Variants in DDX24 observed in about 807,000 individuals in gnomAD.
DDX24 encodes DEAD-box helicase 24, also known as ATP-dependent RNA helicase DDX24.
In DDX24, 24 loss-of-function variants were observed where a neutral mutation model predicts 68.9. The observed-to-expected ratio is 0.35, with a 90% CI of 0.25 to 0.49. The LOEUF (loss-of-function observed/expected upper bound fraction) is 0.49. DDX24 is among the 20% of genes least tolerant of loss of function. The pLI is 0.99. For missense variants in DDX24, 989 were observed against 1,039.0 expected (o/e 0.95, Z 0.66); for synonymous variants, 395 against 385.2 (o/e 1.03, Z -0.30).
chr14:94,060,027 C>G, intron 5 of DDX24, 71 bp downstream of exon 5: 1 of 1,502,180 alleles, frequency 6.7e-7, no homozygotes, highest in Admixed American at 2.2e-5. Context: ...CTACCATTTC[C>G]CCACCATCCT....
chr14:94,059,828 G>C (rs1490977001), intron 5 of DDX24, among the ~76,000 whole-genome samples: 2 of 151,994 alleles, frequency 1.3e-5, no homozygotes. Context: ...GCCAGCACAG[G>C]ACCTAATCTA....
At chr14:94,057,798 C>T in intron 6 of DDX24, 24 bp downstream of exon 6, 3 of 1,611,510 alleles carry the variant, frequency 1.9e-6, no homozygotes, top group Non-Finnish European at 2.5e-6. Context: ...AGGCAGATGC[C>T]TATAAATTTT....
Position 94,079,511 on chromosome 14 carries a change from C to T in DDX24, c.232G>A (p.Ala78Thr). 1.2e-6 allele frequency: 2 copies of T among 1,614,122 alleles called. No homozygotes were observed. The highest frequency in any genetic ancestry group is 1.7e-6 in the Non-Finnish European group (2 of 1,180,038). ...TCCTCTTCTTCTGAAACAGCTTGTG[C>T]CTTTCTCTTGGGTGCTTCCTTTGAG... ...LFSKEAPKRK[A>T]QAVSEEEEEE... Residue 78 changes from alanine to threonine, a missense_variant, in exon 2 of 9, where the codon GCA becomes ACA. Ala to Thr is a moderately conservative substitution (Grantham distance 58, BLOSUM62 0). Transcript: ENST00000621632.
rs149296999 is a variant in DDX24 at position 94,062,529 on chromosome 14, C to T, written c.811G>A (p.Glu271Lys). 1.1e-3 allele frequency: 1,759 copies of T among 1,614,128 alleles called. 16 individuals carry two copies. In the South Asian group the frequency reaches 0.012, roughly 11 times the overall value. Reference sequence around the variant, plus strand: ...GTTCTGGTCTCTCCAGGTGGTGCTTCGGTGTTACTTGGAGGAGGGGCAGCA... The same window carrying T: ...GTTCTGGTCTCTCCAGGTGGTGCTTTGGTGTTACTTGGAGGAGGGGCAGCA... ...RNAAPPPSNT[E>K]APPGETRTEA... Residue 271 changes from glutamate to lysine, a missense_variant, in exon 3 of 9, where the codon GAA becomes AAA. By Grantham distance (56) the Glu-to-Lys change is moderately conservative. Coordinates refer to ENST00000621632, the MANE Select transcript of DDX24 (RefSeq NM_020414.4).
intron 2 of DDX24, among the ~76,000 whole-genome samples, chr14:94,076,997 TAATG>T (rs1420375428): frequency 6.6e-6 from 1 of 152,260 alleles, no homozygotes; most frequent in African/African-American, 2.4e-5. Context: ...CACTTCCATT[TAATG>T]AATAGTAAAT....
chr14:94,073,045 T>C (rs534916290), intron 2 of DDX24, among the ~76,000 whole-genome samples: 44 of 151,644 alleles, frequency 2.9e-4, no homozygotes, highest in Middle Eastern at 6.9e-3. Flanking sequence ...TCAATAATCA[T>C]TAAACGTAAA....
At chr14:94,053,283 A>AGAG (rs1214989267) in intron 7 of DDX24, 156 bp from the exon 8 acceptor site, 1 of 837,978 alleles carries the variant, frequency 1.2e-6, no homozygotes, top group African/African-American at 1.8e-5. Flanking sequence ...TGCAGCCTCA[A>AGAG]CCTCCTTGGA....
chr14:94,053,601 G>A (rs1885435893), intron 7 of DDX24, among the ~76,000 whole-genome samples: 1 of 152,034 alleles, frequency 6.6e-6, no homozygotes, highest in East Asian at 2.0e-4. Flanking sequence ...GATCACCTGA[G>A]GTCAGGAGTT....
At chr14:94,073,253 T>A (rs1365528781) in intron 2 of DDX24, among the ~76,000 whole-genome samples, 1 of 152,116 alleles carries the variant, frequency 6.6e-6, no homozygotes. Context: ...GCCTGGCTAT[T>A]TTTTTGTATT....
In DDX24 at chr14:94,060,602, A is replaced by G; in HGVS notation, c.1409T>C (p.Val470Ala). 1.9e-6 allele frequency: 3 copies of G among 1,612,908 alleles called. No individual in the cohort carries two copies. The highest frequency in any genetic ancestry group is 2.5e-6 in the Non-Finnish European group (3 of 1,179,092). ...CTCAACCATCCGGTCAGCCTCATCC[A>G]CTACCAGGCACCTGCAGATCCAGAG... is the stretch of plus-strand genomic sequence containing the variant. The part of the protein sequence containing the change: ...RNLRQLRCLV[V>A]DEADRMVEKG... The change falls in exon 5 of 9, where the codon GTG becomes GCG. Residue 470 changes from valine to alanine, a missense_variant. Physicochemically the swap from Val to Ala is moderately conservative, Grantham distance 64. Around this residue, in one of 3 missense-constraint regions of DDX24, gnomAD observed 691 missense variants for 760.0 expected, o/e 0.91. Transcript: ENST00000621632.
intron 7 of DDX24, 95 bp from the exon 8 acceptor site, chr14:94,053,222 G>T: frequency 6.5e-7 from 1 of 1,542,208 alleles, no homozygotes; most frequent in East Asian, 2.3e-5. Context: ...GTTTAAGGCA[G>T]GTATCACTCT....
chr14:94,061,042 C>T lies in DDX24; in HGVS notation c.1268G>A (p.Gly423Asp), dbSNP rs369870320. 6.2e-7 allele frequency: 1 copy of T among 1,614,184 alleles called. No individual in the cohort carries two copies. Among genetic ancestry groups the T allele is most frequent in the African/African-American group, 1.3e-5 (1 of 75,036 alleles). ...FTGIKTAILVGGMSTQKQQRM... is the reference protein window; with the variant it reads ...FTGIKTAILVDGMSTQKQQRM... ...CTGCTGTTTCTGCGTGGACATTCCACCAACCAAAATAGCAGTTTTAATTCC... is the reference window on the plus strand; with the variant it reads ...CTGCTGTTTCTGCGTGGACATTCCATCAACCAAAATAGCAGTTTTAATTCC... The change falls in exon 4 of 9, where the codon GGT becomes GAT. Residue 423 changes from glycine to aspartate, a missense_variant. This residue lies in a region of DDX24 where 691 missense variants were observed against 760.0 expected (regional missense o/e 0.91). Transcript: ENST00000621632.
Position 94,051,242 on chromosome 14 carries a change from CTTCT to C in DDX24, c.2525_2528del (p.Lys842SerfsTer91), listed in dbSNP as rs753429075. The C allele has an allele frequency of 6.9e-6, 11 of 1,590,496 alleles. No homozygotes were observed. The highest frequency in any genetic ancestry group is 5.5e-5 in the Admixed American group (3 of 55,012). Reference sequence around the variant, plus strand: ...GCTGTTCCGGCTGTGGCTCCTTCGGCTTCTTTGTCTTCTTCTTCTTCTGCTTGGA... The same window carrying C: ...GCTGTTCCGGCTGTGGCTCCTTCGGCTTGTCTTCTTCTTCTTCTGCTTGGA... On this transcript the variant is annotated frameshift_variant, in exon 9 of 9. Coordinates refer to ENST00000621632, the MANE Select transcript of DDX24 (RefSeq NM_020414.4). LOFTEE classifies it low-confidence loss of function (END_TRUNC).
At chr14:94,051,722 A>ATAC in intron 8 of DDX24, 1 of 394,060 alleles carries the variant, frequency 2.5e-6, no homozygotes, top group Non-Finnish European at 4.5e-6. Flanking sequence ...TTTACAGATG[A>ATAC]GGCAACTCAG....
At chr14:94,071,735 C>T (rs1028345694) in intron 2 of DDX24, among the ~76,000 whole-genome samples, 3 of 152,106 alleles carry the variant, frequency 2.0e-5, no homozygotes, top group Admixed American at 6.5e-5. Context: ...CACCCGAGGT[C>T]GGGAGTTTGA....
At chr14:94,074,402 G>GT (rs1427388198) in intron 2 of DDX24, among the ~76,000 whole-genome samples, 2 of 152,198 alleles carry the variant, frequency 1.3e-5, no homozygotes, top group Non-Finnish European at 2.9e-5. Context: ...TCCCAGGAAT[G>GT]TAAGTCTAAT....
intron 5 of DDX24, 129 bp downstream of exon 5, chr14:94,059,969 A>G: frequency 8.9e-7 from 1 of 1,125,176 alleles, no homozygotes; most frequent in Non-Finnish European, 1.2e-6. Flanking sequence ...AAAAAAAAAA[A>G]GGCTACCTAC....
Position 94,079,140 on chromosome 14 carries a change from C to T in DDX24, c.603G>A (p.Arg201=), listed in dbSNP as rs1164204541. ...GAAAGCTGAGTGCTCGGAGAACCGG[C>T]CTGGGAACAAACAGGTCCTTCCAAG... ...VSAWKDLFVP[R]PVLRALSFLG... The change falls in exon 2 of 9, where the codon AGG becomes AGA. Residue 201 remains arginine (R), a synonymous_variant. Transcript: ENST00000621632. The T allele has an allele frequency of 1.2e-6, 2 of 1,614,102 alleles. No individual in the cohort carries two copies. Among genetic ancestry groups the T allele is most frequent in the African/African-American group, 1.3e-5 (1 of 74,934 alleles).
At chr14:94,078,829 A>G in intron 2 of DDX24, 196 bp downstream of exon 2, 1 of 607,180 alleles carries the variant, frequency 1.6e-6, no homozygotes, top group Non-Finnish European at 2.9e-6. Flanking sequence ...GCTGAGAGAG[A>G]TAAAAGTGAT....
Sources: allele counts gnomAD v4.1 joint callset (sites outside exome capture counted in the v4.1 genomes callset), GRCh38; gene constraint gnomAD v4.1.1; regional missense constraint gnomAD v4.1.1; transcripts MANE v1.5; gene names NCBI Gene and HGNC (gene_info 2026-07-23, HGNC 2026-07-21).